Variants in GUCA1B observed in about 807,000 individuals in gnomAD.
GUCA1B encodes the protein guanylate cyclase activator 1B.
Under a neutral mutation model 24.2 loss-of-function variants are expected in GUCA1B, and 22 were observed. The observed-to-expected ratio is 0.91, with a 90% CI of 0.65 to 1.30. The LOEUF (loss-of-function observed/expected upper bound fraction) is 1.30, where lower values mean the gene tolerates loss of function less well. Ranked by LOEUF, GUCA1B falls within the 50% of genes most tolerant of loss-of-function variation. GUCA1B has a pLI of 0.00. For missense variants in GUCA1B, 221 were observed against 258.8 expected (o/e 0.85, Z 1.00); for synonymous variants, 100 against 97.9 (o/e 1.02, Z -0.13).
At chr6:42,187,497 C>T (rs1768215706) in intron 2 of GUCA1B, among the ~76,000 whole-genome samples, 2 of 150,218 alleles carry the variant, frequency 1.3e-5, no homozygotes, top group South Asian at 2.1e-4. Context: ...CACAGCTCAT[C>T]GCAGCCTCGA....
chr6:42,185,461 C>T (rs759773620), intron 3 of GUCA1B, among the ~76,000 whole-genome samples: 17 of 152,304 alleles, frequency 1.1e-4, no homozygotes, highest in South Asian at 4.1e-4. Context: ...TTCTATTCTG[C>T]GTGCCTGGCC....
Position 42,185,830 on chromosome 6 carries a change from G to A in GUCA1B, c.358-33C>T, listed in dbSNP as rs780379779. 2.3e-6 allele frequency: 3 copies of A among 1,320,274 alleles called. No homozygotes were observed. The East Asian group carries it at 6.9e-5, about 30-fold the overall frequency. The allele number at this position is 1,320,274 out of a possible 1,614,324, so 81.8% of individuals were successfully genotyped here. A position where few individuals can be genotyped will look rare whatever the true frequency, so the allele number is the denominator to read the frequency against. On this transcript the variant is annotated intron_variant, in intron 2 of 3. Coordinates refer to ENST00000230361, the MANE Select transcript of GUCA1B (RefSeq NM_002098.6). ...AGAAAACTCAGCTGCATTGACGGGA[G>A]ACCCTGAAAGCTCCACCTTCACCCC... is the stretch of plus-strand genomic sequence containing the variant.
chr6:42,189,684 G>C (rs56289013), intron 1 of GUCA1B, among the ~76,000 whole-genome samples: 3,497 of 152,310 alleles, frequency 0.023, 135 homozygotes, highest in African/African-American at 0.077. Flanking sequence ...CAGAGGAAGG[G>C]GGAGAGGCAC....
At chr6:42,193,614 T>C (rs1227177723) in intron 1 of GUCA1B, among the ~76,000 whole-genome samples, 1 of 152,158 alleles carries the variant, frequency 6.6e-6, no homozygotes, top group Non-Finnish European at 1.5e-5. Context: ...CTGTGCCCTG[T>C]GGGGTGGTCG....
chr6:42,188,789 T>C, intron 1 of GUCA1B, 58 bp from the exon 2 acceptor site: 3 of 1,532,962 alleles, frequency 2.0e-6, no homozygotes, highest in Non-Finnish European at 2.7e-6. Flanking sequence ...GCATAGGCCA[T>C]TCATCCCTGC....
chr6:42,187,039 T>C (rs114656008), intron 2 of GUCA1B, among the ~76,000 whole-genome samples: 2,451 of 152,330 alleles, frequency 0.016, 64 homozygotes, highest in African/African-American at 0.054. Context: ...CTTTTTCTCA[T>C]GCATTTGTGT....
At chr6:42,193,822 A>G (rs1768350273) in intron 1 of GUCA1B, among the ~76,000 whole-genome samples, 1 of 152,198 alleles carries the variant, frequency 6.6e-6, no homozygotes, top group African/African-American at 2.4e-5. Context: ...CTTTCTTCAG[A>G]TTAAATTGGT....
At chr6:42,190,877 C>T (rs2113847304) in intron 1 of GUCA1B, among the ~76,000 whole-genome samples, 1 of 152,296 alleles carries the variant, frequency 6.6e-6, no homozygotes, top group South Asian at 2.1e-4. Context: ...CATTCTTTGT[C>T]CAGAAGCTTC....
chr6:42,184,900 T>G lies in GUCA1B; in HGVS notation c.518A>C (p.Asp173Ala). ...LNEFVEGARRDKWVMKMLQMD... is the reference protein window; with the variant it reads ...LNEFVEGARRAKWVMKMLQMD... ...CTGCAGCATCTTCATCACCCACTTGTCCCGACGGGCACCTTCAACAAACTC... is the reference window on the plus strand; with the variant it reads ...CTGCAGCATCTTCATCACCCACTTGGCCCGACGGGCACCTTCAACAAACTC... Residue 173 changes from aspartate to alanine, a missense_variant, in exon 4 of 4, where the codon GAC becomes GCC. Asp to Ala is a moderately radical substitution (Grantham distance 126, BLOSUM62 -2). Coordinates refer to ENST00000230361, the MANE Select transcript of GUCA1B (RefSeq NM_002098.6). 1.9e-6 allele frequency: 3 copies of G among 1,614,060 alleles called. No homozygotes were observed. The highest frequency in any genetic ancestry group is 2.5e-6 in the Non-Finnish European group (3 of 1,179,960).
At chr6:42,188,310 G>GTGTGTC (rs1554187086) in intron 2 of GUCA1B, among the ~76,000 whole-genome samples, 15 of 115,002 alleles carry the variant, frequency 1.3e-4, no homozygotes, top group African/African-American at 5.0e-4. Flanking sequence ...GTGTGTGTGT[G>GTGTGTC]TGTGTGTGTG....
rs587783025 is a variant in GUCA1B at position 42,194,718 on chromosome 6, C to T, written c.103G>A (p.Gly35Ser). 9.9e-6 allele frequency: 16 copies of T among 1,613,238 alleles called. No homozygotes were observed. The highest frequency in any genetic ancestry group is 1.3e-5 in the Non-Finnish European group (15 of 1,179,410). Residue 35 changes from glycine to serine, a missense_variant, in exon 1 of 4, where the codon GGC (glycine) becomes AGC (serine). By Grantham distance (56) the Gly-to-Ser change is moderately conservative. Transcript: ENST00000230361. Reference protein sequence around the residue: ...YKKFVMECPSGTLFMHEFKRF... With the variant: ...YKKFVMECPSSTLFMHEFKRF... ...TTAAACTCATGCATAAAGAGTGTGC[C>T]GCTGGGGCACTCCATCACAAACTTC...
At chr6:42,187,265 C>T (rs934938369) in intron 2 of GUCA1B, among the ~76,000 whole-genome samples, 6 of 152,034 alleles carry the variant, frequency 3.9e-5, no homozygotes, top group Admixed American at 2.0e-4. Flanking sequence ...CCACCCCACC[C>T]GGCTAATTTT....
chr6:42,188,289 TTGTCGTGTGTGTGTGTGTG>T (rs1247152586), intron 2 of GUCA1B, among the ~76,000 whole-genome samples: 2 of 145,352 alleles, frequency 1.4e-5, no homozygotes, highest in African/African-American at 5.4e-5. Flanking sequence ...TTTAAGATAC[TTGTCGTGTGTGTGTGTGTG>T]TGTGTGTGTG....
chr6:42,191,199 A>T (rs755276913), intron 1 of GUCA1B, among the ~76,000 whole-genome samples: 26 of 152,152 alleles, frequency 1.7e-4, no homozygotes, highest in Non-Finnish European at 2.8e-4. Flanking sequence ...ATATTTGTGC[A>T]CCAGCCCTGA....
chr6:42,184,670 TTCCCCA>T lies in GUCA1B; in HGVS notation c.*139_*144del. 1.1e-6 allele frequency: 1 copy of T among 869,662 alleles called. No individual in the cohort carries two copies. Among genetic ancestry groups the T allele is most frequent in the Non-Finnish European group, 1.9e-6 (1 of 518,662 alleles). 53.9% of individuals were successfully genotyped at this position (869,662 alleles called of 1,614,324 possible). A position where few individuals can be genotyped will look rare whatever the true frequency, so the allele number is the denominator to read the frequency against. ...TTGGCCACTTCAAACCCAGCAGCCCTTCCCCATCCCCACTCAGCCCTGCACAGGGGG... is the reference window on the plus strand; with the variant it reads ...TTGGCCACTTCAAACCCAGCAGCCCTTCCCCACTCAGCCCTGCACAGGGGG... On this transcript the variant is annotated 3_prime_UTR_variant, in exon 4 of 4. Coordinates refer to ENST00000230361, the MANE Select transcript of GUCA1B (RefSeq NM_002098.6).
intron 2 of GUCA1B, among the ~76,000 whole-genome samples, chr6:42,186,975 C>A (rs961498612): frequency 1.3e-5 from 2 of 152,298 alleles, no homozygotes; most frequent in Admixed American, 1.3e-4. Context: ...ATCATTCTTG[C>A]TAATAGAGAA....
At chr6:42,186,432 A>G (rs1482647843) in intron 2 of GUCA1B, among the ~76,000 whole-genome samples, 2 of 152,092 alleles carry the variant, frequency 1.3e-5, no homozygotes, top group Admixed American at 1.3e-4. Context: ...GTCTCTACTA[A>G]AAATACAAAA....
At chr6:42,184,969 A>T in intron 3 of GUCA1B, 27 bp from the exon 4 acceptor site, 1 of 1,612,898 alleles carries the variant, frequency 6.2e-7, no homozygotes, top group Non-Finnish European at 8.5e-7. Context: ...AGAGGTGGTC[A>T]TGTAGAAGAA....
chr6:42,185,802 C>A lies in GUCA1B; in HGVS notation c.358-5G>T. 3 of 1,577,212 alleles carry A rather than the reference C, an allele frequency of 1.9e-6. No individual in the cohort carries two copies. The highest frequency in any genetic ancestry group is 1.7e-6 in the Non-Finnish European group (2 of 1,146,926). Reference sequence around the variant, plus strand: ...TTTCTTCAGCTGGTAAATTCCCTGCCAAAGAAAACTCAGCTGCATTGACGG... The same window carrying A: ...TTTCTTCAGCTGGTAAATTCCCTGCAAAAGAAAACTCAGCTGCATTGACGG... On this transcript the variant is annotated splice_region_variant and splice_polypyrimidine_tract_variant and intron_variant, in intron 2 of 3. Transcript: ENST00000230361.
Sources: allele counts gnomAD v4.1 joint callset (sites outside exome capture counted in the v4.1 genomes callset), GRCh38; gene constraint gnomAD v4.1.1; transcripts MANE v1.5; gene names NCBI Gene and HGNC (gene_info 2026-07-23, HGNC 2026-07-21).